SYT3: variants seen among roughly 807,000 people sequenced by gnomAD.
SYT3 encodes synaptotagmin 3, also known as synaptotagmin-3.
A neutral mutation model predicts 50.6 loss-of-function variants in SYT3; 25 were observed. The observed-to-expected ratio is 0.49, with a 90% CI of 0.36 to 0.69. The LOEUF (loss-of-function observed/expected upper bound fraction) is 0.69. Ranked by LOEUF, SYT3 falls within the 30% of genes least tolerant of loss-of-function variation. The probability of loss-of-function intolerance (pLI) is 0.00; values close to 1 mark genes in which losing one functional copy is unlikely to be tolerated. For synonymous variants in SYT3, 323 were observed against 353.9 expected (o/e 0.91, Z 0.98); for missense variants, 589 against 793.6 (o/e 0.74, Z 3.10).
Position 50,632,297 on chromosome 19 carries a change from T to G in SYT3, c.663A>C (p.Ala221=). Residue 221 remains alanine, a synonymous_variant, in exon 4 of 11, where the codon GCA becomes GCC. Coordinates refer to ENST00000600079, the MANE Select transcript of SYT3 (RefSeq NM_001160329.2). This position sits in a 1 kb window ranked among gnomAD's most constrained non-coding sequence, Gnocchi z 4.7. ...GTATCCTCTCTCACCTGGTAGTGGG[T>G]GCCAGGCTTGTGACCTGCTGATGTG... is the stretch of plus-strand genomic sequence containing the variant. The part of the protein sequence containing the change: ...AQSHQQVTSL[A]PTTRYPALPR... 2 of 1,574,138 alleles carry G rather than the reference T, an allele frequency of 1.3e-6. No homozygotes were observed. Among genetic ancestry groups the G allele is most frequent in the Non-Finnish European group, 1.7e-6 (2 of 1,153,648 alleles).
the SYT3 span, among the ~76,000 whole-genome samples, chr19:50,656,860 G>C: frequency 6.6e-6 from 1 of 151,950 alleles, no homozygotes; most frequent in African/African-American, 2.4e-5. Flanking sequence ...GCTGAGGCAG[G>C]AGAATCGCTT....
At chr19:50,650,904 C>T in the SYT3 span, among the ~76,000 whole-genome samples, 228 of 152,332 alleles carry the variant, frequency 1.5e-3, no homozygotes, top group African/African-American at 5.0e-3. Context: ...GAGGCACCCA[C>T]GTGACATGTA....
In SYT3 at chr19:50,630,119, C is replaced by A; in HGVS notation, c.727G>T (p.Asp243Tyr). The A allele has an allele frequency of 6.2e-7, 1 of 1,602,178 alleles. No homozygotes were observed. Among genetic ancestry groups the A allele is most frequent in the Admixed American group, 1.7e-5 (1 of 58,792 alleles). ...LTQQTLTSQPDPSSEERPPAL... is the reference protein window; with the variant it reads ...LTQQTLTSQPYPSSEERPPAL... ...GGTGGCCGCTCCTCACTGCTGGGGT[C>A]CGGCTGGGAGGTCAGAGTCTGCTGG... is the stretch of plus-strand genomic sequence containing the variant. Residue 243 changes from aspartate to tyrosine, a missense_variant, in exon 5 of 11, where the codon GAC becomes TAC. By Grantham distance (160) the Asp-to-Tyr change is radical (BLOSUM62 -3). This residue lies in a region of SYT3 where 316 missense variants were observed against 354.3 expected (regional missense o/e 0.89). Transcript: ENST00000600079.
rs770954912 is a variant in SYT3, at chr19:50,629,929, G to C, written c.917C>G (p.Ala306Gly). Reference sequence around the variant, plus strand: ...GTCCGAGCCATAGAGGTACCGCAGGGCGAAGCTGATACGGCCACAGGGTGC... The same window carrying C: ...GTCCGAGCCATAGAGGTACCGCAGGCCGAAGCTGATACGGCCACAGGGTGC... ...TGAPCGRISF[A>G]LRYLYGSDQL... Residue 306 changes from alanine to glycine, a missense_variant, in exon 5 of 11, where the codon GCC becomes GGC. This residue lies in a region of SYT3 where 273 missense variants were observed against 439.3 expected (regional missense o/e 0.62). Coordinates refer to ENST00000600079, the MANE Select transcript of SYT3 (RefSeq NM_001160329.2). The C allele has an allele frequency of 6.2e-7, 1 of 1,614,074 alleles. No individual in the cohort carries two copies. The highest frequency in any genetic ancestry group is 1.1e-5 in the South Asian group (1 of 91,088).
At position 50,629,387 on chromosome 19, in the gene SYT3, G is replaced by T; in HGVS notation, c.1188C>A (p.Asp396Glu). Residue 396 changes from aspartate to glutamate, a missense_variant, in exon 6 of 11, where the codon GAC becomes GAA. Asp to Glu is a conservative substitution (Grantham distance 45, BLOSUM62 2). This residue lies in a region of SYT3 where 273 missense variants were observed against 439.3 expected (regional missense o/e 0.62). Transcript: ENST00000600079. ...VYDFDRFSRH[D>E]LIGQVVLDNL... ...TGTCCAGCACCACCTGGCCGATGAG[G>T]TCGTGCCGCGAGAAGCGGTCAAAGT... 6.2e-7 allele frequency: 1 copy of T among 1,613,996 alleles called. No homozygotes were observed. The highest frequency in any genetic ancestry group is 8.5e-7 in the Non-Finnish European group (1 of 1,179,954).
At chr19:50,640,770 A>G (rs750032979), upstream of SYT3, among the ~76,000 whole-genome samples, 11 of 152,234 alleles carry the variant, frequency 7.2e-5, no homozygotes, top group Non-Finnish European at 1.6e-4. Flanking sequence ...AAGAAAGTTT[A>G]CAAATTTGTG....
chr19:50,644,246 T>C (rs959363285), upstream of SYT3, among the ~76,000 whole-genome samples: 3 of 152,140 alleles, frequency 2.0e-5, no homozygotes, highest in African/African-American at 7.2e-5. Flanking sequence ...CATGACTGGA[T>C]AGATGCTGGA....
At chr19:50,624,356 A>G (rs1351473706) in intron 9 of SYT3, among the ~76,000 whole-genome samples, 1 of 152,194 alleles carries the variant, frequency 6.6e-6, no homozygotes, top group Non-Finnish European at 1.5e-5. Flanking sequence ...AGTGTGTTGA[A>G]ATTCACAACA....
upstream of SYT3, among the ~76,000 whole-genome samples, chr19:50,642,531 T>C (rs889113096): frequency 2.6e-5 from 4 of 152,180 alleles, no homozygotes; most frequent in African/African-American, 9.7e-5. Context: ...CAGATAATAA[T>C]ACTTTAAAAA....
At chr19:50,649,942 C>A in the SYT3 span, 1 of 432,078 alleles carries the variant, frequency 2.3e-6, no homozygotes. Flanking sequence ...TTCCCTCCCA[C>A]AGCCCATCAG....
At position 50,629,847 on chromosome 19, in the gene SYT3, G is replaced by A. The variant is rs774395780; in HGVS notation, c.999C>T (p.Gly333=). 4 of 1,614,056 alleles carry A rather than the reference G, an allele frequency of 2.5e-6. No individual in the cohort carries two copies. In the African/African-American group the frequency reaches 5.3e-5, roughly 22 times the overall value. Residue 333 remains glycine, a synonymous_variant, in exon 5 of 11, where the codon GGC becomes GGT. Coordinates refer to ENST00000600079, the MANE Select transcript of SYT3 (RefSeq NM_001160329.2). ...ALDLPAKDSN[G]FSDPYVKIYL... ...AGATCTTGACGTAGGGGTCTGAGAAGCCGTTGGAGTCCTTGGCAGGGAGGT... is the reference window on the plus strand; with the variant it reads ...AGATCTTGACGTAGGGGTCTGAGAAACCGTTGGAGTCCTTGGCAGGGAGGT...
the SYT3 span, among the ~76,000 whole-genome samples, chr19:50,646,451 A>G: frequency 6.6e-6 from 1 of 152,134 alleles, no homozygotes; most frequent in Non-Finnish European, 1.5e-5. Context: ...GGAAATAATC[A>G]TGTATTCATT....
intron 5 of SYT3, 119 bp downstream of exon 5, chr19:50,629,665 G>A: frequency 1.1e-6 from 1 of 913,322 alleles, no homozygotes; most frequent in Admixed American, 2.9e-5. Context: ...CAGGCCCCCA[G>A]CCCCTCCTCC....
chr19:50,653,042 T>G, the SYT3 span, among the ~76,000 whole-genome samples: 134 of 152,282 alleles, frequency 8.8e-4, no homozygotes, highest in African/African-American at 3.2e-3. Context: ...TCTATTCTAT[T>G]TTATTTTATT....
In SYT3 at chr19:50,625,705, G is replaced by A. The variant is rs1018389239; in HGVS notation, c.1403-141C>T. 5.7e-6 allele frequency: 8 copies of A among 1,405,140 alleles called. No homozygotes were observed. The highest frequency in any genetic ancestry group is 6.7e-6 in the Non-Finnish European group (7 of 1,049,328). The allele number at this position is 1,405,140 out of a possible 1,614,324, so 87.0% of individuals were successfully genotyped here. ...CCAGTCCCTCCTTCCTCAGGCCCAAGAGTCCAGACCCCAGGTCCTCCTCTC... is the reference window on the plus strand; with the variant it reads ...CCAGTCCCTCCTTCCTCAGGCCCAAAAGTCCAGACCCCAGGTCCTCCTCTC... On this transcript the variant is annotated intron_variant, in intron 7 of 10. Coordinates refer to ENST00000600079, the MANE Select transcript of SYT3 (RefSeq NM_001160329.2). This position sits in a 1 kb window ranked among gnomAD's most constrained non-coding sequence, Gnocchi z 7.5.
chr19:50,626,275 C>G, intron 6 of SYT3: 1 of 432,056 alleles, frequency 2.3e-6, no homozygotes, highest in South Asian at 2.4e-5. Context: ...AGGGGAGAGA[C>G]AGAGAAGGTG....
At chr19:50,650,085 C>T in the SYT3 span, among the ~76,000 whole-genome samples, 1 of 152,204 alleles carries the variant, frequency 6.6e-6, no homozygotes, top group Non-Finnish European at 1.5e-5. Flanking sequence ...TTTCTCTCCT[C>T]CTACCTATCC....
intron 6 of SYT3, among the ~76,000 whole-genome samples, chr19:50,628,862 T>A (rs953229061): frequency 2.0e-5 from 3 of 150,830 alleles, no homozygotes; most frequent in African/African-American, 7.3e-5. Context: ...TTCGCTCTTG[T>A]TGCCTACGCT....
At chr19:50,654,265 C>G in the SYT3 span, among the ~76,000 whole-genome samples, 1 of 152,170 alleles carries the variant, frequency 6.6e-6, no homozygotes, top group African/African-American at 2.4e-5. Context: ...CTCTCTTTCT[C>G]CTTCTTCCCT....
Sources: gnomAD v4.1 joint callset for allele counts (sites outside exome capture counted in the v4.1 genomes callset) on GRCh38, gnomAD v4.1.1 for gene constraint, gnomAD v4.1.1 regional missense constraint, Gnocchi (gnomAD v3.1) non-coding constraint, MANE v1.5 for transcripts, NCBI Gene and HGNC (gene_info 2026-07-23, HGNC 2026-07-21) for gene names.